Variants in TBC1D22A observed in about 807,000 individuals in gnomAD.
The protein encoded by TBC1D22A is TBC1 domain family member 22A.
TBC1D22A carries 38 observed loss-of-function variants against 60.2 expected under a neutral mutation model. That is an observed-to-expected ratio of 0.63 (90% CI 0.49 to 0.83). The LOEUF is 0.83. TBC1D22A is among the 40% of genes least tolerant of loss of function. The pLI, the probability that TBC1D22A is intolerant of heterozygous loss-of-function variation, is 0.00. For synonymous variants in TBC1D22A, 302 were observed against 281.7 expected (o/e 1.07, Z -0.72); for missense variants, 628 against 701.0 (o/e 0.90, Z 1.18).
At chr22:46,890,734 G>A (rs1180630884) in intron 5 of TBC1D22A, among the ~76,000 whole-genome samples, 16 of 152,206 alleles carry the variant, frequency 1.1e-4, no homozygotes, top group Admixed American at 1.0e-3. Flanking sequence ...TACTGAGACT[G>A]CAGCTGCCAT....
intron 8 of TBC1D22A, among the ~76,000 whole-genome samples, chr22:46,956,435 ATTTTCT>A (rs1224154216): frequency 1.3e-5 from 2 of 152,088 alleles, no homozygotes; most frequent in Non-Finnish European, 2.9e-5. Context: ...GGATGATTTA[ATTTTCT>A]TTTTTAAGCT....
rs1276167459 is a variant in TBC1D22A, at chr22:46,997,639, C to T, written c.1131C>T (p.Asn377=). ...CATTATTCTTTTTTCCTTAGGACAA[C>T]TACACCTTTGCCCAACCTGGGATTC... ...MSKLLDGIQD[N]YTFAQPGIQM... is the part of the protein sequence containing the mutation. Residue 377 remains asparagine, a synonymous_variant, in exon 10 of 13, where the codon AAC becomes AAT. Coordinates refer to ENST00000337137, the MANE Select transcript of TBC1D22A (RefSeq NM_014346.5). 1.2e-6 allele frequency: 2 copies of T among 1,613,464 alleles called. No homozygotes were observed. The highest frequency in any genetic ancestry group is 4.5e-5 in the East Asian group (2 of 44,890).
At chr22:46,993,941 C>CT (rs1179711566) in intron 9 of TBC1D22A, among the ~76,000 whole-genome samples, 1 of 152,230 alleles carries the variant, frequency 6.6e-6, no homozygotes, top group Non-Finnish European at 1.5e-5. Flanking sequence ...GCGCCTCGCC[C>CT]TCGGGGGGTG....
chr22:47,150,552 G>T (rs1336718657), intron 12 of TBC1D22A, among the ~76,000 whole-genome samples: 3 of 152,196 alleles, frequency 2.0e-5, no homozygotes, highest in South Asian at 2.1e-4. Flanking sequence ...CTGTGCCACG[G>T]TACTTCTGCC....
intron 4 of TBC1D22A, among the ~76,000 whole-genome samples, chr22:46,861,082 C>A (rs572525944): frequency 5.9e-5 from 9 of 152,214 alleles, no homozygotes; most frequent in Admixed American, 5.9e-4. Context: ...CTCAGCCTCC[C>A]GAGTAGCTGG....
intron 11 of TBC1D22A, among the ~76,000 whole-genome samples, chr22:47,090,935 G>T (rs1393799661): frequency 1.4e-5 from 2 of 145,544 alleles, no homozygotes; most frequent in Middle Eastern, 3.6e-3. Flanking sequence ...TCACGGAGGG[G>T]GTGGCTGCGT....
chr22:47,173,206 T>C lies in TBC1D22A; in HGVS notation c.1426-292T>C, dbSNP rs368145131. Among the ~76,000 whole-genome samples the C allele has an allele frequency of 2.6e-4, 40 of 152,298 alleles. No individual in the cohort carries two copies. The East Asian group carries it at 3.9e-3, about 15-fold the overall frequency. Reference sequence around the variant, plus strand: ...GGAGCTGCGCAGTGGGCCTCCTGCCTGGCTGCTGGGATGGGGCGGTGGCCG... The same window carrying C: ...GGAGCTGCGCAGTGGGCCTCCTGCCCGGCTGCTGGGATGGGGCGGTGGCCG... On this transcript the variant is annotated intron_variant, in intron 12 of 12. Transcript: ENST00000337137.
chr22:47,171,622 A>G (rs1195068102), intron 12 of TBC1D22A, among the ~76,000 whole-genome samples: 1 of 152,058 alleles, frequency 6.6e-6, no homozygotes, highest in Non-Finnish European at 1.5e-5. Context: ...GCCCTCTCTG[A>G]TCCCTACTTC....
chr22:46,800,977 G>C (rs559718825), intron 4 of TBC1D22A, among the ~76,000 whole-genome samples: 1 of 152,306 alleles, frequency 6.6e-6, no homozygotes, highest in East Asian at 1.9e-4. Flanking sequence ...GAGCATTCTG[G>C]AGGACTTTGT....
intron 1 of TBC1D22A, among the ~76,000 whole-genome samples, chr22:46,765,457 G>C (rs1356722820): frequency 6.6e-6 from 1 of 151,780 alleles, no homozygotes; most frequent in African/African-American, 2.4e-5. Context: ...TTCTTTTTTT[G>C]TTTTTGTTTT....
intron 7 of TBC1D22A, among the ~76,000 whole-genome samples, chr22:46,900,560 C>T (rs2068936046): frequency 6.6e-6 from 1 of 152,210 alleles, no homozygotes; most frequent in African/African-American, 2.4e-5. Flanking sequence ...TCTCCCCACC[C>T]TTGCACTTGA....
chr22:46,865,424 A>G (rs1459639271), intron 4 of TBC1D22A, among the ~76,000 whole-genome samples: 1 of 152,238 alleles, frequency 6.6e-6, no homozygotes, highest in African/African-American at 2.4e-5. Flanking sequence ...AAAATGGAGT[A>G]GCGTAGGTTG....
intron 12 of TBC1D22A, among the ~76,000 whole-genome samples, chr22:47,172,192 C>T (rs1166048735): frequency 2.6e-5 from 4 of 151,962 alleles, no homozygotes. Flanking sequence ...CCTTGTGTGT[C>T]CACCCAGTGT....
chr22:47,150,488 G>A (rs1012918333), intron 12 of TBC1D22A, among the ~76,000 whole-genome samples: 4 of 152,218 alleles, frequency 2.6e-5, no homozygotes, highest in African/African-American at 4.8e-5. Flanking sequence ...TCTCGAGCCC[G>A]CGTACACCTG....
At chr22:47,167,126 G>T (rs2068238089) in intron 12 of TBC1D22A, among the ~76,000 whole-genome samples, 1 of 152,354 alleles carries the variant, frequency 6.6e-6, no homozygotes, top group East Asian at 1.9e-4. Context: ...TCCCAACGAT[G>T]ACCACGTTCG....
chr22:47,151,507 A>G (rs1048623966), intron 12 of TBC1D22A, among the ~76,000 whole-genome samples: 8 of 152,342 alleles, frequency 5.3e-5, no homozygotes, highest in Admixed American at 5.2e-4. Flanking sequence ...CAATATTGCT[A>G]CATGTTTAAA....
At chr22:47,045,012 T>TC (rs2062982566) in intron 11 of TBC1D22A, among the ~76,000 whole-genome samples, 1 of 152,338 alleles carries the variant, frequency 6.6e-6, no homozygotes, top group South Asian at 2.1e-4. Context: ...AGAATGACTC[T>TC]CCAAGTGGGC....
chr22:46,831,951 G>A (rs1292327004), intron 4 of TBC1D22A, among the ~76,000 whole-genome samples: 1 of 124,088 alleles, frequency 8.1e-6, no homozygotes, highest in Non-Finnish European at 1.8e-5. Flanking sequence ...ATGTTGGAAG[G>A]TCCTTTCCCC....
chr22:46,772,627 A>C (rs1232332331), intron 1 of TBC1D22A, among the ~76,000 whole-genome samples: 1 of 143,236 alleles, frequency 7.0e-6, no homozygotes, highest in Admixed American at 7.1e-5. Context: ...TATATACACA[A>C]ACACACATGC....
Sources: allele counts gnomAD v4.1 joint callset (sites outside exome capture counted in the v4.1 genomes callset), GRCh38; gene constraint gnomAD v4.1.1; transcripts MANE v1.5; gene names NCBI Gene and HGNC (gene_info 2026-07-23, HGNC 2026-07-21).